GRID1: variants seen among roughly 807,000 people sequenced by gnomAD.
GRID1 encodes glutamate ionotropic receptor delta type subunit 1.
In GRID1, 28 loss-of-function variants were observed where a neutral mutation model predicts 98.0. The ratio of observed to expected loss-of-function variants is 0.29; its 90% CI spans 0.21 to 0.39. GRID1 has a LOEUF of 0.39. Ranked by LOEUF, GRID1 falls within the 10% of genes least tolerant of loss-of-function variation. The pLI, the probability that GRID1 is intolerant of heterozygous loss-of-function variation, is 1.00. For missense variants in GRID1, 1,111 were observed against 1,340.5 expected (o/e 0.83, Z 2.67); for synonymous variants, 553 against 538.5 (o/e 1.03, Z -0.37).
intron 12 of GRID1, among the ~76,000 whole-genome samples, chr10:85,664,857 G>C (rs1841002390): frequency 6.6e-6 from 1 of 152,052 alleles, no homozygotes; most frequent in African/African-American, 2.4e-5. Context: ...CTTCACACTA[G>C]GTATGTTAAC....
intron 3 of GRID1, among the ~76,000 whole-genome samples, chr10:86,167,656 T>A (rs999908683): frequency 9.9e-5 from 15 of 152,192 alleles, no homozygotes; most frequent in Non-Finnish European, 1.8e-4. Flanking sequence ...GTAGCTGTTT[T>A]ACAGATGAGG....
intron 2 of GRID1, among the ~76,000 whole-genome samples, chr10:86,216,348 A>T (rs1037429514): frequency 5.9e-5 from 9 of 152,256 alleles, no homozygotes; most frequent in African/African-American, 2.2e-4. Context: ...AAGCACAGAA[A>T]CATCCATACT....
At chr10:86,125,608 G>A (rs557612687) in intron 4 of GRID1, among the ~76,000 whole-genome samples, 85 of 152,318 alleles carry the variant, frequency 5.6e-4, no homozygotes, top group African/African-American at 1.9e-3. Context: ...GGAACTGTGA[G>A]GCTCCACTTA....
At chr10:85,686,286 A>T (rs1341297767) in intron 12 of GRID1, among the ~76,000 whole-genome samples, 1 of 152,208 alleles carries the variant, frequency 6.6e-6, no homozygotes, top group East Asian at 1.9e-4. Flanking sequence ...CATGGACTTT[A>T]CAGCACAAAA....
At position 86,365,955 on chromosome 10, in the gene GRID1, C is replaced by T. The variant is rs1220435604; in HGVS notation, c.79+359G>A. ...TGGCGAGCCCCCCGCTGTACCTCCC[C>T]CTGCCCCCCGCTGCTCTGAGCTGCG... On this transcript the variant is annotated intron_variant, in intron 1 of 15. Transcript: ENST00000327946. This position sits in a 1 kb window ranked among gnomAD's most constrained non-coding sequence, Gnocchi z 4.8. 1.3e-5 allele frequency among the ~76,000 whole-genome samples: 2 copies of T among 152,202 alleles called. No individual in the cohort carries two copies. Among genetic ancestry groups the T allele is most frequent in the East Asian group, 1.9e-4 (1 of 5,188 alleles).
intron 2 of GRID1, among the ~76,000 whole-genome samples, chr10:86,232,275 C>T (rs1005145240): frequency 1.3e-5 from 2 of 152,232 alleles, no homozygotes; most frequent in African/African-American, 4.8e-5. Context: ...ACTGTTCCCG[C>T]ATGCTCTGGA....
intron 4 of GRID1, among the ~76,000 whole-genome samples, chr10:85,947,373 C>CTTTGAACTG (rs1842066561): frequency 6.6e-6 from 1 of 152,186 alleles, no homozygotes; most frequent in Non-Finnish European, 1.5e-5. Context: ...CTTTACACAT[C>CTTTGAACTG]TTTGAACTGT....
chr10:85,928,063 T>C (rs1006804719), intron 4 of GRID1, among the ~76,000 whole-genome samples: 2 of 152,204 alleles, frequency 1.3e-5, no homozygotes, highest in African/African-American at 4.8e-5. Context: ...GACTTCCAGA[T>C]GCAGCTGCAT....
intron 2 of GRID1, among the ~76,000 whole-genome samples, chr10:86,230,773 C>A (rs1474325048): frequency 6.6e-6 from 1 of 151,882 alleles, no homozygotes; most frequent in Non-Finnish European, 1.5e-5. Context: ...CAGATCTCTC[C>A]TCTGTGTTGC....
At chr10:85,615,771 A>T (rs1179360794) in intron 14 of GRID1, among the ~76,000 whole-genome samples, 2 of 152,180 alleles carry the variant, frequency 1.3e-5, no homozygotes, top group Non-Finnish European at 2.9e-5. Context: ...CTGCCTGTTC[A>T]CTGGCCTTAA....
At chr10:86,124,328 TC>T (rs1228397845) in intron 4 of GRID1, among the ~76,000 whole-genome samples, 1 of 152,038 alleles carries the variant, frequency 6.6e-6, no homozygotes. Context: ...GCCACCACTC[TC>T]CCCCTGGCTC....
At chr10:86,032,695 C>T (rs867292030) in intron 4 of GRID1, among the ~76,000 whole-genome samples, 4 of 151,930 alleles carry the variant, frequency 2.6e-5, no homozygotes, top group Non-Finnish European at 5.9e-5. Flanking sequence ...TGCGGAAGGC[C>T]GCAGGGTCCT....
chr10:86,249,081 C>A (rs931014140), intron 2 of GRID1, among the ~76,000 whole-genome samples: 1 of 152,208 alleles, frequency 6.6e-6, no homozygotes, highest in Non-Finnish European at 1.5e-5. Context: ...TGGTGCAGGG[C>A]AGTCCACAAG....
intron 2 of GRID1, among the ~76,000 whole-genome samples, chr10:86,274,917 T>C (rs1407867691): frequency 6.6e-6 from 1 of 152,086 alleles, no homozygotes; most frequent in Non-Finnish European, 1.5e-5. Context: ...TTCTCCTGCC[T>C]AATTGCCCTG....
chr10:85,865,331 T>C (rs1843204621), intron 6 of GRID1, among the ~76,000 whole-genome samples: 1 of 152,212 alleles, frequency 6.6e-6, no homozygotes, highest in Non-Finnish European at 1.5e-5. Flanking sequence ...TGATTTGCTA[T>C]AATAGTTCTT....
chr10:85,640,185 T>C (rs542706615), intron 13 of GRID1, among the ~76,000 whole-genome samples: 2 of 152,330 alleles, frequency 1.3e-5, no homozygotes, highest in South Asian at 4.1e-4. Context: ...AATGAATGAA[T>C]AAAGAGAAGA....
At position 85,602,196 on chromosome 10, in the gene GRID1, GTGT is replaced by G. The variant is rs923316999; in HGVS notation, c.*74_*76del. ...GTGTGTGTGCGAGTGTGTGTGGTTT[GTGT>G]TGTTGTTTTCTTGTATTAAAAAGCT... On this transcript the variant is annotated 3_prime_UTR_variant, in exon 16 of 16. Coordinates refer to ENST00000327946, the MANE Select transcript of GRID1 (RefSeq NM_017551.3). 6 of 777,440 alleles carry G rather than the reference GTGT, an allele frequency of 7.7e-6. No homozygotes were observed. Among genetic ancestry groups the G allele is most frequent in the African/African-American group, 4.3e-5 (2 of 46,210 alleles). 48.2% of individuals were successfully genotyped at this position (777,440 alleles called of 1,614,324 possible).
intron 4 of GRID1, among the ~76,000 whole-genome samples, chr10:85,918,785 G>A (rs557929932): frequency 1.3e-5 from 2 of 152,196 alleles, no homozygotes; most frequent in African/African-American, 4.8e-5. Flanking sequence ...GAGTAGCGAC[G>A]TCCCATCCCA....
intron 5 of GRID1, among the ~76,000 whole-genome samples, chr10:85,889,714 G>A (rs78395106): frequency 0.06 from 9,087 of 152,156 alleles, 309 homozygotes; most frequent in Non-Finnish European, 0.071. Context: ...GGGATTGCTG[G>A]TTCATAGGGT....
Sources: gnomAD v4.1 joint callset for allele counts (sites outside exome capture counted in the v4.1 genomes callset) on GRCh38, gnomAD v4.1.1 for gene constraint, Gnocchi (gnomAD v3.1) non-coding constraint, MANE v1.5 for transcripts, NCBI Gene and HGNC (gene_info 2026-07-23, HGNC 2026-07-21) for gene names.